The following IRF2 variants were observed in gnomAD, a reference collection of about 807,000 sequenced individuals.
The protein encoded by IRF2 is interferon regulatory factor 2.
IRF2 carries 15 observed loss-of-function variants against 40.6 expected under a neutral mutation model. The observed-to-expected ratio is 0.37, with a 90% CI of 0.25 to 0.57. IRF2 has a LOEUF of 0.57. IRF2 is among the 20% of genes least tolerant of loss of function. IRF2 has a pLI of 0.77. For missense variants in IRF2, 317 were observed against 455.7 expected (o/e 0.70, Z 2.77); for synonymous variants, 151 against 165.5 (o/e 0.91, Z 0.67).
At chr4:184,458,037 C>T (rs1739008242) in intron 1 of IRF2, among the ~76,000 whole-genome samples, 1 of 152,126 alleles carries the variant, frequency 6.6e-6, no homozygotes, top group African/African-American at 2.4e-5. Context: ...AAACTGTCAA[C>T]CCTTCATGTC....
At chr4:184,436,154 C>A (rs1247070288) in intron 1 of IRF2, among the ~76,000 whole-genome samples, 1 of 151,962 alleles carries the variant, frequency 6.6e-6, no homozygotes, top group East Asian at 1.9e-4. Flanking sequence ...TTTTTGTATT[C>A]TCAGTAGAGA....
chr4:184,429,107 C>T (rs779994986), intron 1 of IRF2, 37 bp from the exon 2 acceptor site: 5 of 1,539,876 alleles, frequency 3.2e-6, no homozygotes, highest in Non-Finnish European at 4.5e-6. Flanking sequence ...GCGTTGGTGC[C>T]ACTCAGTGTG....
In IRF2 at chr4:184,387,851, T is replaced by C. The variant is rs1274996740; in HGVS notation, c.*907A>G. ...AAAAAAATGTGCCACAAGGATGTAA[T>C]AACAACTGCTGATAAACAAGAAAAG... On this transcript the variant is annotated 3_prime_UTR_variant, in exon 9 of 9. Coordinates refer to ENST00000393593, the MANE Select transcript of IRF2 (RefSeq NM_002199.4). 3.3e-5 allele frequency: 5 copies of C among 151,674 alleles called. No individual in the cohort carries two copies. Among genetic ancestry groups the C allele is most frequent in the Non-Finnish European group, 7.4e-5 (5 of 67,888 alleles). 9.4% of individuals were successfully genotyped at this position (151,674 alleles called of 1,614,324 possible). A position where few individuals can be genotyped will look rare whatever the true frequency, so the allele number is the denominator to read the frequency against.
chr4:184,421,636 T>C (rs940578472), intron 2 of IRF2, among the ~76,000 whole-genome samples: 4 of 152,170 alleles, frequency 2.6e-5, no homozygotes, highest in Admixed American at 2.6e-4. Context: ...AAAGGAGTTC[T>C]AGGGTGACAC....
At chr4:184,423,764 C>T (rs527517953) in intron 2 of IRF2, among the ~76,000 whole-genome samples, 1 of 152,170 alleles carries the variant, frequency 6.6e-6, no homozygotes, top group South Asian at 2.1e-4. Context: ...AACCTGGTCT[C>T]AACAAGTCAA....
chr4:184,393,118 A>G (rs1398843140), intron 7 of IRF2, among the ~76,000 whole-genome samples: 1 of 152,084 alleles, frequency 6.6e-6, no homozygotes, highest in Non-Finnish European at 1.5e-5. Flanking sequence ...CGGAACAGCC[A>G]CTCCCAAGAA....
intron 1 of IRF2, chr4:184,473,883 G>A (rs1739624530): frequency 6.6e-6 from 1 of 151,606 alleles, no homozygotes; most frequent in Non-Finnish European, 1.5e-5. Context: ...CGGTGGCGGC[G>A]GTGGCTGCAC....
intron 1 of IRF2, among the ~76,000 whole-genome samples, chr4:184,460,661 ACGCG>A (rs1376413591): frequency 1.1e-5 from 1 of 87,570 alleles, no homozygotes; most frequent in African/African-American, 4.0e-5. Flanking sequence ...ACACACATGC[ACGCG>A]CACACACACA....
intron 2 of IRF2, chr4:184,428,769 A>G: frequency 6.8e-6 from 4 of 584,954 alleles, no homozygotes; most frequent in South Asian, 6.5e-5. Flanking sequence ...ACTGCACTCC[A>G]GCGTGGGCCA....
chr4:184,465,595 A>C (rs1047641260), intron 1 of IRF2, among the ~76,000 whole-genome samples: 2 of 152,234 alleles, frequency 1.3e-5, no homozygotes, highest in African/African-American at 4.8e-5. Context: ...ATAAAACTAG[A>C]AGCACAATTT....
At chr4:184,411,426 C>A (rs566036187) in intron 5 of IRF2, among the ~76,000 whole-genome samples, 1 of 152,262 alleles carries the variant, frequency 6.6e-6, no homozygotes, top group Admixed American at 6.5e-5. Flanking sequence ...ATATATTCCA[C>A]CGATGGAGGC....
chr4:184,409,344 A>G (rs1736985860), intron 5 of IRF2, among the ~76,000 whole-genome samples: 1 of 152,104 alleles, frequency 6.6e-6, no homozygotes, highest in African/African-American at 2.4e-5. Context: ...AAAGTCACTA[A>G]CGGAAGGAGG....
chr4:184,454,611 T>C (rs1738844336), intron 1 of IRF2, among the ~76,000 whole-genome samples: 1 of 152,192 alleles, frequency 6.6e-6, no homozygotes, highest in Non-Finnish European at 1.5e-5. Context: ...CTGGCATCCA[T>C]TGGATGGTCA....
chr4:184,465,511 C>A (rs145935334), intron 1 of IRF2, among the ~76,000 whole-genome samples: 1 of 151,920 alleles, frequency 6.6e-6, no homozygotes, highest in African/African-American at 2.4e-5. Flanking sequence ...CAAACACCCA[C>A]AATTTCACCA....
chr4:184,425,734 C>T (rs1012819838), intron 2 of IRF2, among the ~76,000 whole-genome samples: 1 of 152,174 alleles, frequency 6.6e-6, no homozygotes, highest in African/African-American at 2.4e-5. Context: ...TGTTCATTTG[C>T]ACAAAGGGAA....
chr4:184,436,129 A>G (rs939442868), intron 1 of IRF2, among the ~76,000 whole-genome samples: 1 of 151,954 alleles, frequency 6.6e-6, no homozygotes, highest in Non-Finnish European at 1.5e-5. Flanking sequence ...GGTGCCCACC[A>G]CCATGCCCAG....
Position 184,418,638 on chromosome 4 carries a change from A to G in IRF2, c.258T>C (p.Asn86=), listed in dbSNP as rs146592173. The change falls in exon 4 of 9, where the codon AAT becomes AAC. Residue 86 remains asparagine, a synonymous_variant. Transcript: ENST00000393593. ...TWKANFRCAM[N]SLPDIEEVKD... ...TGACTTCTTCAATATCAGGCAAGGAATTCATGGCGCATCTGAAATTCGCCT... is the reference window on the plus strand; with the variant it reads ...TGACTTCTTCAATATCAGGCAAGGAGTTCATGGCGCATCTGAAATTCGCCT... 6.2e-7 allele frequency: 1 copy of G among 1,613,938 alleles called. No homozygotes were observed. The highest frequency in any genetic ancestry group is 8.5e-7 in the Non-Finnish European group (1 of 1,179,934).
intron 5 of IRF2, among the ~76,000 whole-genome samples, chr4:184,409,085 T>C (rs2149896822): frequency 6.6e-6 from 1 of 152,252 alleles, no homozygotes; most frequent in African/African-American, 2.4e-5. Context: ...CGTTCAGCTC[T>C]CAAGGTAAGT....
intron 1 of IRF2, among the ~76,000 whole-genome samples, chr4:184,449,651 A>C (rs969525280): frequency 3.3e-5 from 5 of 152,246 alleles, no homozygotes; most frequent in Non-Finnish European, 7.3e-5. Context: ...AGCGTGCACC[A>C]ATGCGTGGGA....
Sources: gnomAD v4.1 joint callset for allele counts (sites outside exome capture counted in the v4.1 genomes callset) on GRCh38, gnomAD v4.1.1 for gene constraint, MANE v1.5 for transcripts, NCBI Gene and HGNC (gene_info 2026-07-23, HGNC 2026-07-21) for gene names.